Variants in RSF1 observed in about 807,000 individuals in gnomAD.
RSF1 encodes the protein HBV pX-associated protein 8.
In RSF1, 13 loss-of-function variants were observed where a neutral mutation model predicts 145.2. The ratio of observed to expected loss-of-function variants is 0.09; its 90% CI spans 0.06 to 0.14. The LOEUF is 0.14. RSF1 is among the 10% of genes least tolerant of loss of function. The pLI, the probability that RSF1 is intolerant of heterozygous loss-of-function variation, is 1.00. For synonymous variants in RSF1, 577 were observed against 592.6 expected (o/e 0.97, Z 0.38); for missense variants, 1,517 against 1,718.2 (o/e 0.88, Z 2.07).
At chr11:77,741,954 C>T (rs1000824659) in intron 3 of RSF1, among the ~76,000 whole-genome samples, 8 of 152,156 alleles carry the variant, frequency 5.3e-5, no homozygotes, top group South Asian at 4.1e-4. Context: ...TCTTTCAGTG[C>T]GTTGCTTATT....
chr11:77,789,541 G>A (rs1948495078), intron 1 of RSF1, among the ~76,000 whole-genome samples: 1 of 152,144 alleles, frequency 6.6e-6, no homozygotes, highest in South Asian at 2.1e-4. Context: ...CACAGCTGAG[G>A]CGCGAGCACC....
At chr11:77,835,925 T>C in the RSF1 span, among the ~76,000 whole-genome samples, 2 of 151,258 alleles carry the variant, frequency 1.3e-5, no homozygotes, top group African/African-American at 4.9e-5. Context: ...AAAAAAAAAA[T>C]AATAATAAAA....
intron 1 of RSF1, among the ~76,000 whole-genome samples, chr11:77,796,633 A>C (rs999400688): frequency 6.6e-6 from 1 of 152,226 alleles, no homozygotes; most frequent in African/African-American, 2.4e-5. Flanking sequence ...ACTCCTATTC[A>C]ACATAGTATT....
the RSF1 span, among the ~76,000 whole-genome samples, chr11:77,858,804 G>A: frequency 1.3e-5 from 2 of 152,290 alleles, no homozygotes; most frequent in Admixed American, 6.5e-5. Context: ...AGGGGTCCAC[G>A]GTAGGTCTTA....
chr11:77,732,008 T>C (rs1664655047), intron 4 of RSF1, among the ~76,000 whole-genome samples: 1 of 152,212 alleles, frequency 6.6e-6, no homozygotes, highest in Non-Finnish European at 1.5e-5. Flanking sequence ...CCCAGAATGG[T>C]AGATCCACTG....
At chr11:77,774,701 C>A (rs1948323617) in intron 1 of RSF1, among the ~76,000 whole-genome samples, 1 of 151,330 alleles carries the variant, frequency 6.6e-6, no homozygotes, top group African/African-American at 2.4e-5. Context: ...CAGAGGCAGG[C>A]AGATCACCTG....
At chr11:77,723,606 G>A (rs1317549516) in intron 5 of RSF1, among the ~76,000 whole-genome samples, 1 of 152,208 alleles carries the variant, frequency 6.6e-6, no homozygotes, top group African/African-American at 2.4e-5. Flanking sequence ...ATGAAGGACG[G>A]TAATCAACAT....
chr11:77,824,078 T>C (rs1216554383), upstream of RSF1, among the ~76,000 whole-genome samples: 1 of 152,206 alleles, frequency 6.6e-6, no homozygotes, highest in Non-Finnish European at 1.5e-5. Flanking sequence ...CACCCAAAGA[T>C]AAGAAGTGTT....
intron 9 of RSF1, among the ~76,000 whole-genome samples, chr11:77,688,327 T>C (rs1960064621): frequency 6.6e-6 from 1 of 152,128 alleles, no homozygotes; most frequent in Admixed American, 6.6e-5. Context: ...TTCTCTTCCT[T>C]AGTGGATGAG....
At chr11:77,757,419 C>T (rs1948126604) in intron 2 of RSF1, among the ~76,000 whole-genome samples, 1 of 152,194 alleles carries the variant, frequency 6.6e-6, no homozygotes, top group Non-Finnish European at 1.5e-5. Flanking sequence ...GTGGCTCACA[C>T]CTGTAATCCC....
At position 77,663,018 on chromosome 11, in the gene RSF1, T is replaced by C. The variant is rs1456822295; in HGVS notation, c.*3899A>G. The C allele has an allele frequency of 3.8e-5, 5 of 132,732 alleles. No homozygotes were observed. Among genetic ancestry groups the C allele is most frequent in the South Asian group, 4.4e-4 (2 of 4,546 alleles). 8.2% of individuals were successfully genotyped at this position (132,732 alleles called of 1,614,324 possible). A position where few individuals can be genotyped will look rare whatever the true frequency, so the allele number is the denominator to read the frequency against. On this transcript the variant is annotated 3_prime_UTR_variant, in exon 16 of 16. Transcript: ENST00000308488. ...GATACTTATCTGAAGTGTGTGCGTG[T>C]GCACACACACACACACATATACACA...
intron 9 of RSF1, among the ~76,000 whole-genome samples, chr11:77,687,956 G>GT (rs1960053905): frequency 6.6e-6 from 1 of 152,164 alleles, no homozygotes; most frequent in Non-Finnish European, 1.5e-5. Flanking sequence ...GAATAAGCAG[G>GT]TAAGAAATTC....
At chr11:77,719,665 T>A (rs1960899225) in intron 5 of RSF1, among the ~76,000 whole-genome samples, 1 of 152,228 alleles carries the variant, frequency 6.6e-6, no homozygotes, top group African/African-American at 2.4e-5. Context: ...CACCGCTGCA[T>A]TATCTATACC....
intron 5 of RSF1, among the ~76,000 whole-genome samples, chr11:77,724,065 AAAC>A (rs1324031798): frequency 6.6e-6 from 1 of 152,246 alleles, no homozygotes; most frequent in African/African-American, 2.4e-5. Context: ...ACAAAAAAAT[AAAC>A]AACCCAAAGA....
chr11:77,726,011 T>C (rs1159002300), intron 4 of RSF1, among the ~76,000 whole-genome samples: 2 of 152,154 alleles, frequency 1.3e-5, no homozygotes, highest in East Asian at 1.9e-4. Flanking sequence ...ACTTTAAAAA[T>C]AGTATGTAAT....
At chr11:77,690,925 T>C (rs1370387293) in intron 9 of RSF1, 5 of 513,614 alleles carry the variant, frequency 9.7e-6, no homozygotes, top group East Asian at 9.6e-5. Context: ...AAAATTTGAG[T>C]ATCATATAAT....
rs531732822 is a variant in RSF1, at chr11:77,697,171, A to G, written c.2715+1316T>C. On this transcript the variant is annotated intron_variant, in intron 7 of 15. Coordinates refer to ENST00000308488, the MANE Select transcript of RSF1 (RefSeq NM_016578.4). ...ATCTGAATTCATGCTGTCTGGCCCT[A>G]TGCTTTTCCCATCACATCATAATGC... 4.8e-4 allele frequency among the ~76,000 whole-genome samples: 73 copies of G among 152,190 alleles called. 1 individual carries two copies. The South Asian group carries it at 0.015, about 30-fold the overall frequency.
chr11:77,725,514 A>G, intron 5 of RSF1, 31 bp downstream of exon 5: 2 of 1,496,770 alleles, frequency 1.3e-6, no homozygotes, highest in Admixed American at 2.4e-5. Context: ...AGATTACAAA[A>G]CAAAGCAAAA....
chr11:77,681,257 C>T (rs1382738961), intron 11 of RSF1, among the ~76,000 whole-genome samples: 1 of 152,066 alleles, frequency 6.6e-6, no homozygotes, highest in East Asian at 1.9e-4. Context: ...TGACTAAAAT[C>T]GGAATTTAGG....
Sources: allele counts gnomAD v4.1 joint callset (sites outside exome capture counted in the v4.1 genomes callset), GRCh38; gene constraint gnomAD v4.1.1; transcripts MANE v1.5; gene names NCBI Gene and HGNC (gene_info 2026-07-23, HGNC 2026-07-21).